Variants in SHTN1 observed in about 807,000 individuals in gnomAD.
SHTN1 encodes the protein shootin 1.
A neutral mutation model predicts 83.1 loss-of-function variants in SHTN1; 42 were observed. The observed-to-expected ratio is 0.51, with a 90% confidence interval of 0.39 to 0.65. The LOEUF (loss-of-function observed/expected upper bound fraction) is 0.65, where lower values mean the gene tolerates loss of function less well. SHTN1 is among the 30% of genes least tolerant of loss of function. The pLI, the probability that SHTN1 is intolerant of heterozygous loss-of-function variation, is 0.00. For synonymous variants in SHTN1, 224 were observed against 247.7 expected (o/e 0.90, Z 0.90); for missense variants, 622 against 737.8 (o/e 0.84, Z 1.82).
intron 1 of SHTN1, among the ~76,000 whole-genome samples, 162 bp downstream of exon 1, chr10:117,004,860 G>T (rs1395868544): frequency 6.6e-6 from 1 of 152,170 alleles, no homozygotes; most frequent in Non-Finnish European, 1.5e-5. Flanking sequence ...CAGGCGCGCC[G>T]GCCACGGAGG....
intron 15 of SHTN1, among the ~76,000 whole-genome samples, chr10:116,902,307 G>A (rs1476546507): frequency 3.3e-5 from 5 of 152,050 alleles, no homozygotes; most frequent in Non-Finnish European, 4.4e-5. Context: ...GAACCATTTC[G>A]CCTCTCAAGA....
intron 1 of SHTN1, among the ~76,000 whole-genome samples, chr10:117,058,742 G>T (rs1219195034): frequency 6.6e-6 from 1 of 152,142 alleles, no homozygotes; most frequent in East Asian, 1.9e-4. Flanking sequence ...AGCAACCCAA[G>T]TATCCATTGA....
chr10:117,031,971 A>C (rs1852421876), intron 2 of SHTN1, among the ~76,000 whole-genome samples: 1 of 152,198 alleles, frequency 6.6e-6, no homozygotes, highest in Non-Finnish European at 1.5e-5. Flanking sequence ...TAAATGGATA[A>C]GAAAACAAGA....
At chr10:117,110,414 C>T (rs2133638260) in intron 1 of SHTN1, among the ~76,000 whole-genome samples, 1 of 152,304 alleles carries the variant, frequency 6.6e-6, no homozygotes, top group East Asian at 1.9e-4. Flanking sequence ...TGCAGTGGCA[C>T]CATCTCGGCT....
Position 116,883,022 on chromosome 10 carries a change from C to T in SHTN1, c.*3322G>A, listed in dbSNP as rs1025080614. The T allele has an allele frequency of 6.6e-6, 1 of 151,636 alleles. No homozygotes were observed. Among genetic ancestry groups the T allele is most frequent in the Non-Finnish European group, 1.5e-5 (1 of 67,960 alleles). The allele number at this position is 151,636 out of a possible 1,614,324, so 9.4% of individuals were successfully genotyped here. A position where few individuals can be genotyped will look rare whatever the true frequency, so the allele number is the denominator to read the frequency against. ...CACATCATGAGACTATGCCCTGGAA[C>T]AGTGATATAAATTATAATTAAATTA... On this transcript the variant is annotated 3_prime_UTR_variant, in exon 17 of 17. Transcript: ENST00000355371.
Position 116,884,166 on chromosome 10 carries a change from A to G in SHTN1, c.*2178T>C. ...AAATTGTGTAAGCAGGACGTATGTA[A>G]GTTTTGTGTGTGCAATAGCTATGAA... On this transcript the variant is annotated 3_prime_UTR_variant, in exon 17 of 17. Transcript: ENST00000355371. The G allele has an allele frequency of 2.2e-6, 1 of 454,360 alleles. No individual in the cohort carries two copies. The highest frequency in any genetic ancestry group is 4.4e-6 in the Non-Finnish European group (1 of 225,314). The allele number at this position is 454,360 out of a possible 1,614,324, so 28.1% of individuals were successfully genotyped here.
intron 12 of SHTN1, among the ~76,000 whole-genome samples, chr10:116,915,816 T>G (rs1356929644): frequency 6.6e-6 from 1 of 152,136 alleles, no homozygotes; most frequent in Non-Finnish European, 1.5e-5. Context: ...TTGTGCCTAA[T>G]CCCAAATAAT....
At chr10:117,098,674 C>A (rs907925133) in intron 1 of SHTN1, among the ~76,000 whole-genome samples, 52 of 152,176 alleles carry the variant, frequency 3.4e-4, no homozygotes, top group African/African-American at 1.2e-3. Context: ...TGATGTGGAC[C>A]TTACAAGTCA....
At position 117,053,024 on chromosome 10, in the gene SHTN1, A is replaced by AAAAAAAAAAAAAAAAAAG. The variant is rs1554934278; in HGVS notation, c.-188-4515_-188-4514insCTTTTTTTTTTTTTTTTT. On this transcript the variant is annotated intron_variant, in intron 1 of 17. Coordinates refer to the SHTN1 transcript ENST00000392901. ...AACAGAGCAAGACTGTGTCTCAAAA[A>AAAAAAAAAAAAAAAAAAG]AAAAAAGAATTAAGAATTAAGTTGG... 5.8e-5 allele frequency among the ~76,000 whole-genome samples: 3 copies of AAAAAAAAAAAAAAAAAAG among 51,342 alleles called. 1 individual carries two copies. Among genetic ancestry groups the AAAAAAAAAAAAAAAAAAG allele is most frequent in the Non-Finnish European group, 1.7e-4 (3 of 17,606 alleles). 33.7% of individuals were successfully genotyped at this position (51,342 alleles called of 152,430 possible).
chr10:117,071,525 A>G (rs1044279442), intron 1 of SHTN1, among the ~76,000 whole-genome samples: 3 of 152,232 alleles, frequency 2.0e-5, no homozygotes, highest in Non-Finnish European at 4.4e-5. Flanking sequence ...CACATAGCTA[A>G]TGAGTGACAG....
At chr10:116,920,684 A>G (rs1848530427) in intron 12 of SHTN1, among the ~76,000 whole-genome samples, 1 of 152,056 alleles carries the variant, frequency 6.6e-6, no homozygotes, top group African/African-American at 2.4e-5. Flanking sequence ...AAATGCCAGA[A>G]CCTTGACCTT....
upstream of SHTN1, among the ~76,000 whole-genome samples, chr10:117,009,926 C>T (rs866045051): frequency 7.3e-5 from 11 of 151,190 alleles, no homozygotes; most frequent in Admixed American, 1.3e-4. Context: ...AAAAAAAAAA[C>T]TTATGGAATA....
At chr10:116,967,765 A>T (rs1307285489) in intron 3 of SHTN1, among the ~76,000 whole-genome samples, 3 of 152,214 alleles carry the variant, frequency 2.0e-5, no homozygotes, top group Non-Finnish European at 4.4e-5. Context: ...GTAAAGATGT[A>T]AGTGTCAGAA....
At chr10:116,953,252 T>C (rs373193287) in intron 5 of SHTN1, among the ~76,000 whole-genome samples, 64 of 152,226 alleles carry the variant, frequency 4.2e-4, no homozygotes, top group African/African-American at 1.4e-3. Flanking sequence ...TCAGTAGATG[T>C]ATCATATGAT....
intron 13 of SHTN1, among the ~76,000 whole-genome samples, chr10:116,912,901 C>T (rs1564872916): frequency 6.6e-6 from 1 of 152,110 alleles, no homozygotes; most frequent in Non-Finnish European, 1.5e-5. Flanking sequence ...GATCCTACTT[C>T]AAATTTTAAA....
chr10:116,963,294 G>A (rs1051655173), intron 3 of SHTN1, among the ~76,000 whole-genome samples: 7 of 150,676 alleles, frequency 4.6e-5, no homozygotes, highest in Non-Finnish European at 5.9e-5. Flanking sequence ...GGATGGTCTC[G>A]ATCTCCTGAC....
At chr10:117,081,018 C>T (rs905246854) in intron 1 of SHTN1, among the ~76,000 whole-genome samples, 31 of 152,192 alleles carry the variant, frequency 2.0e-4, no homozygotes, top group Non-Finnish European at 4.0e-4. Context: ...TAATTGAATA[C>T]CCGTTATTTC....
chr10:116,990,685 T>C (rs893556049), intron 1 of SHTN1, among the ~76,000 whole-genome samples: 1 of 152,158 alleles, frequency 6.6e-6, no homozygotes, highest in South Asian at 2.1e-4. Context: ...AAGAGGCTTA[T>C]TGTTAGCAAA....
At chr10:117,113,382 A>C (rs574683637) in intron 1 of SHTN1, among the ~76,000 whole-genome samples, 1 of 152,208 alleles carries the variant, frequency 6.6e-6, no homozygotes, top group African/African-American at 2.4e-5. Flanking sequence ...CTTGATGTTC[A>C]TAAAAGCAAT....
Sources: gnomAD v4.1 joint callset for allele counts (sites outside exome capture counted in the v4.1 genomes callset) on GRCh38, gnomAD v4.1.1 for gene constraint, MANE v1.5 for transcripts, NCBI Gene and HGNC (gene_info 2026-07-23, HGNC 2026-07-21) for gene names.